ZNF827: variants seen among roughly 807,000 people sequenced by gnomAD.
ZNF827 encodes the protein zinc finger protein 827.
ZNF827 carries 13 observed loss-of-function variants against 102.4 expected under a neutral mutation model. The observed-to-expected ratio is 0.13, with a 90% CI of 0.08 to 0.20. ZNF827 has a LOEUF of 0.20. Among genes scored for constraint, ZNF827 ranks in the 10% least tolerant of loss-of-function variants. The probability of loss-of-function intolerance (pLI) is 1.00; values close to 1 mark genes in which losing one functional copy is unlikely to be tolerated. For missense variants in ZNF827, 1,103 were observed against 1,344.4 expected (o/e 0.82, Z 2.81); for synonymous variants, 523 against 536.2 (o/e 0.98, Z 0.34).
intron 5 of ZNF827, among the ~76,000 whole-genome samples, chr4:145,866,909 T>C (rs78269777): frequency 1.3e-5 from 2 of 152,230 alleles, no homozygotes; most frequent in African/African-American, 4.8e-5. Flanking sequence ...ATATCCATGA[T>C]AACACAGCTA....
intron 3 of ZNF827, among the ~76,000 whole-genome samples, chr4:145,889,280 G>A (rs1448245354): frequency 6.6e-6 from 1 of 152,090 alleles, no homozygotes; most frequent in African/African-American, 2.4e-5. Flanking sequence ...ATGGCTTTCC[G>A]ATAATGATCA....
intron 4 of ZNF827, among the ~76,000 whole-genome samples, chr4:145,877,732 A>G (rs957378946): frequency 6.6e-6 from 1 of 152,222 alleles, no homozygotes; most frequent in African/African-American, 2.4e-5. Context: ...TTTAAAATAT[A>G]TAAAGTTTTC....
chr4:145,909,703 G>T (rs149571153), intron 1 of ZNF827, among the ~76,000 whole-genome samples: 1 of 152,288 alleles, frequency 6.6e-6, no homozygotes, highest in Admixed American at 6.5e-5. Context: ...TTCTTCTGCC[G>T]CATATCAGGC....
chr4:145,824,761 A>T (rs1236329358), intron 7 of ZNF827, among the ~76,000 whole-genome samples: 1 of 152,196 alleles, frequency 6.6e-6, no homozygotes, highest in African/African-American at 2.4e-5. Flanking sequence ...TCTGGAGCAG[A>T]ACAACAGACC....
intron 1 of ZNF827, among the ~76,000 whole-genome samples, chr4:145,906,840 G>T (rs375924374): frequency 6.6e-6 from 1 of 152,180 alleles, no homozygotes; most frequent in African/African-American, 2.4e-5. Context: ...TTGCAGACTC[G>T]ATCACTGAGA....
chr4:145,784,771 T>C (rs1029798512), intron 8 of ZNF827, among the ~76,000 whole-genome samples: 2 of 152,228 alleles, frequency 1.3e-5, no homozygotes, highest in African/African-American at 4.8e-5. Flanking sequence ...CCCTTAGCAT[T>C]TGTTTCATTA....
intron 1 of ZNF827, among the ~76,000 whole-genome samples, chr4:145,924,960 T>A (rs974017274): frequency 2.0e-5 from 3 of 152,200 alleles, no homozygotes; most frequent in African/African-American, 7.2e-5. Context: ...TACCCGAGAC[T>A]GGGTAATTTA....
intron 1 of ZNF827, among the ~76,000 whole-genome samples, chr4:145,927,647 G>A (rs1753525986): frequency 6.6e-6 from 1 of 152,136 alleles, no homozygotes; most frequent in African/African-American, 2.4e-5. Context: ...TTCAGGCTGT[G>A]AGATCCCATG....
chr4:145,836,835 C>T lies in ZNF827; in HGVS notation c.2279+9121G>A, dbSNP rs1318224715. Among the ~76,000 whole-genome samples the T allele has an allele frequency of 4.6e-5, 7 of 151,954 alleles. No individual in the cohort carries two copies. The South Asian group carries it at 8.3e-4, about 18-fold the overall frequency. Reference sequence around the variant, plus strand: ...TTAGAACCTCTCATTTCCTTTCCATCGTGGAAATCTATCCTCAAGGAAATA... The same window carrying T: ...TTAGAACCTCTCATTTCCTTTCCATTGTGGAAATCTATCCTCAAGGAAATA... On this transcript the variant is annotated intron_variant, in intron 7 of 14. Transcript: ENST00000508784.
intron 7 of ZNF827, among the ~76,000 whole-genome samples, chr4:145,845,295 T>A (rs1452926685): frequency 1.3e-5 from 2 of 152,242 alleles, no homozygotes; most frequent in African/African-American, 4.8e-5. Context: ...CAGCACTGGC[T>A]GATCCTCCTC....
intron 8 of ZNF827, among the ~76,000 whole-genome samples, chr4:145,821,096 C>T (rs1247355913): frequency 2.0e-5 from 3 of 152,144 alleles, no homozygotes; most frequent in Non-Finnish European, 4.4e-5. Context: ...ATGTAACAGC[C>T]CAGTGGACCT....
At chr4:145,853,739 T>C (rs183062144) in intron 5 of ZNF827, among the ~76,000 whole-genome samples, 420 of 152,222 alleles carry the variant, frequency 2.8e-3, no homozygotes, top group Non-Finnish European at 4.9e-3. Flanking sequence ...CTGAGGTGTA[T>C]GGATTGCATG....
In ZNF827 at chr4:145,765,399, A is replaced by G; in HGVS notation, c.3052+148T>C. 1 of 1,101,422 alleles carries G rather than the reference A, an allele frequency of 9.1e-7. No homozygotes were observed. Among genetic ancestry groups the G allele is most frequent in the East Asian group, 2.6e-5 (1 of 38,360 alleles). 68.2% of individuals were successfully genotyped at this position (1,101,422 alleles called of 1,614,324 possible). ...ATACTCGGATTCAAATTAAGCCAAAAGAAATACAACCTTTAGGTGAGGCCC... is the reference window on the plus strand; with the variant it reads ...ATACTCGGATTCAAATTAAGCCAAAGGAAATACAACCTTTAGGTGAGGCCC... On this transcript the variant is annotated intron_variant, in intron 12 of 14. Coordinates refer to ENST00000508784, the MANE Select transcript of ZNF827 (RefSeq NM_001306215.2). The surrounding 1 kb of genome is among the most constrained non-coding windows in gnomAD (Gnocchi z 4.7).
At chr4:145,845,164 G>A (rs1216330518) in intron 7 of ZNF827, among the ~76,000 whole-genome samples, 1 of 152,220 alleles carries the variant, frequency 6.6e-6, no homozygotes, top group Non-Finnish European at 1.5e-5. Flanking sequence ...GTCCTTCAAA[G>A]GTGGAGAATG....
chr4:145,904,941 G>C (rs147825191), intron 1 of ZNF827, among the ~76,000 whole-genome samples: 148 of 152,358 alleles, frequency 9.7e-4, no homozygotes, highest in African/African-American at 3.3e-3. Context: ...TGAGCACAAA[G>C]AGGCCAGCTA....
chr4:145,812,105 T>C (rs1742078897), intron 8 of ZNF827, among the ~76,000 whole-genome samples: 1 of 151,716 alleles, frequency 6.6e-6, no homozygotes, highest in Non-Finnish European at 1.5e-5. Flanking sequence ...TTTTTTTTTT[T>C]AGTAGAGACA....
chr4:145,888,161 G>A (rs1253534070), intron 3 of ZNF827, among the ~76,000 whole-genome samples: 1 of 152,088 alleles, frequency 6.6e-6, no homozygotes, highest in Admixed American at 6.5e-5. Context: ...AAAAACAGTG[G>A]GTATTTTGTT....
intron 8 of ZNF827, among the ~76,000 whole-genome samples, chr4:145,808,137 C>CA (rs141134449): frequency 0.064 from 9,235 of 144,246 alleles, 659 homozygotes; most frequent in African/African-American, 0.16. Context: ...AATTAGTGAG[C>CA]AAAAAAAAAA....
chr4:145,868,419 A>G (rs1410104528), intron 5 of ZNF827, among the ~76,000 whole-genome samples: 7 of 152,290 alleles, frequency 4.6e-5, no homozygotes, highest in Middle Eastern at 3.4e-3. Flanking sequence ...TTTCCACATC[A>G]CGAAGCAGGG....
Sources: gnomAD v4.1 joint callset for allele counts (sites outside exome capture counted in the v4.1 genomes callset) on GRCh38, gnomAD v4.1.1 for gene constraint, Gnocchi (gnomAD v3.1) non-coding constraint, MANE v1.5 for transcripts, NCBI Gene and HGNC (gene_info 2026-07-23, HGNC 2026-07-21) for gene names.